LMLN: variants seen among roughly 807,000 people sequenced by gnomAD.
The protein encoded by LMLN is leishmanolysin like peptidase.
Under a neutral mutation model 92.3 loss-of-function variants are expected in LMLN, and 70 were observed. The observed-to-expected ratio is 0.76, with a 90% CI of 0.63 to 0.92. LMLN has a LOEUF of 0.92. Among genes scored for constraint, LMLN ranks in the 40% least tolerant of loss-of-function variants. LMLN has a pLI of 0.00. For synonymous variants in LMLN, 308 were observed against 296.2 expected, an observed-to-expected ratio of 1.04 and a Z score of -0.41; for missense variants, 691 against 814.6, an observed-to-expected ratio of 0.85 and a Z score of 1.85.
At chr3:197,974,520 T>C in intron 2 of LMLN, 46 bp downstream of exon 2, 1 of 1,027,358 alleles carries the variant, frequency 9.7e-7, no homozygotes. Flanking sequence ...TTAATCTAAA[T>C]GTTAAAGATA....
intron 11 of LMLN, among the ~76,000 whole-genome samples, chr3:198,015,584 C>T (rs1345437598): frequency 1.7e-5 from 2 of 118,018 alleles, no homozygotes; most frequent in South Asian, 3.3e-4. Context: ...CCCTTCAGAG[C>T]CCCCTAACTA....
intron 1 of LMLN, among the ~76,000 whole-genome samples, chr3:197,968,068 A>G (rs918241822): frequency 2.6e-5 from 4 of 152,198 alleles, no homozygotes; most frequent in African/African-American, 7.2e-5. Flanking sequence ...TTTACAATCA[A>G]TTTATACAGT....
chr3:197,963,612 A>G (rs930842650), intron 1 of LMLN, among the ~76,000 whole-genome samples: 6 of 152,226 alleles, frequency 3.9e-5, no homozygotes, highest in Non-Finnish European at 7.3e-5. Context: ...ATACACTGCT[A>G]GTAGGTAGAA....
At chr3:197,973,494 G>A (rs756591694) in intron 1 of LMLN, among the ~76,000 whole-genome samples, 3 of 152,064 alleles carry the variant, frequency 2.0e-5, no homozygotes, top group African/African-American at 4.8e-5. Context: ...TGCCTGCCTC[G>A]GCCTCCCAAA....
Position 197,984,685 on chromosome 3 carries a change from G to A in LMLN, c.834+637G>A, listed in dbSNP as rs549199773. ...GCTGGTCTCAAACTCCTAGGCTCAA[G>A]TGATCCTCCTGTCTCAGACTCCTAA... On this transcript the variant is annotated intron_variant, in intron 7 of 15. Transcript: ENST00000330198. 3.3e-5 allele frequency among the ~76,000 whole-genome samples: 5 copies of A among 151,974 alleles called. No individual in the cohort carries two copies. The South Asian group carries it at 1.0e-3, about 32-fold the overall frequency.
intron 8 of LMLN, among the ~76,000 whole-genome samples, chr3:197,988,437 G>A (rs1186073770): frequency 6.8e-6 from 1 of 147,394 alleles, no homozygotes; most frequent in Non-Finnish European, 1.5e-5. Context: ...TTTGTAAGGT[G>A]CATATATGTT....
intron 7 of LMLN, 138 bp downstream of exon 7, chr3:197,984,186 A>G: frequency 2.0e-6 from 1 of 491,780 alleles, no homozygotes; most frequent in Non-Finnish European, 3.6e-6. Flanking sequence ...CTAAAACTTA[A>G]AGTATAATAA....
At position 197,999,195 on chromosome 3, in the gene LMLN, C is replaced by G; in HGVS notation, c.1156-71C>G. On this transcript the variant is annotated intron_variant, in intron 10 of 15. Coordinates refer to ENST00000330198, the Ensembl canonical transcript of LMLN. ...GTTGAAACATTTTAAATATGTATATCAGAGGAATTGCAGAAAATATTAGGA... is the reference window on the plus strand; with the variant it reads ...GTTGAAACATTTTAAATATGTATATGAGAGGAATTGCAGAAAATATTAGGA... 3 of 1,049,684 alleles carry G rather than the reference C, an allele frequency of 2.9e-6. No homozygotes were observed. In the South Asian group the frequency reaches 3.8e-5, roughly 13 times the overall value. 65.0% of individuals were successfully genotyped at this position (1,049,684 alleles called of 1,614,324 possible). A position where few individuals can be genotyped will look rare whatever the true frequency, so the allele number is the denominator to read the frequency against.
At chr3:198,012,423 G>C (rs1231821701) in intron 11 of LMLN, among the ~76,000 whole-genome samples, 2 of 152,130 alleles carry the variant, frequency 1.3e-5, no homozygotes, top group African/African-American at 4.8e-5. Context: ...GATGATGTTG[G>C]GTTCTTCTAT....
intron 1 of LMLN, among the ~76,000 whole-genome samples, chr3:197,965,693 C>T (rs777277573): frequency 7.2e-5 from 11 of 152,260 alleles, no homozygotes; most frequent in South Asian, 4.2e-4. Flanking sequence ...GATGGCAAAT[C>T]GCTTGAGCTC....
chr3:198,010,361 C>T (rs1722399809), intron 11 of LMLN, among the ~76,000 whole-genome samples: 1 of 152,024 alleles, frequency 6.6e-6, no homozygotes, highest in African/African-American at 2.4e-5. Flanking sequence ...GTTGGCCAGG[C>T]TGGTCTTGAA....
intron 1 of LMLN, among the ~76,000 whole-genome samples, chr3:197,968,006 A>G (rs565389064): frequency 4.3e-4 from 65 of 152,274 alleles, no homozygotes; most frequent in African/African-American, 1.5e-3. Context: ...AATTGCTGTT[A>G]TTCTGTTCTT....
exon 16 of LMLN, chr3:198,039,447 A>C (rs1723337423): frequency 6.6e-6 from 1 of 152,220 alleles, no homozygotes; most frequent in South Asian, 2.1e-4. Flanking sequence ...TCATTATTAT[A>C]CCTATTTTAA....
chr3:198,018,516 G>C (rs1722701526), intron 11 of LMLN, among the ~76,000 whole-genome samples: 1 of 152,194 alleles, frequency 6.6e-6, no homozygotes, highest in African/African-American at 2.4e-5. Context: ...CCCATTTGCT[G>C]AAGACTGTGG....
intron 13 of LMLN, among the ~76,000 whole-genome samples, chr3:198,024,287 C>T (rs183834965): frequency 9.7e-4 from 146 of 150,058 alleles, no homozygotes; most frequent in Non-Finnish European, 9.0e-4. Context: ...ACAATCTCGG[C>T]TCACTGCAAG....
At chr3:197,969,752 A>G (rs893688219) in intron 1 of LMLN, among the ~76,000 whole-genome samples, 35 of 152,330 alleles carry the variant, frequency 2.3e-4, no homozygotes, top group African/African-American at 8.4e-4. Context: ...AGTCATGTTA[A>G]ATATGGGACA....
At chr3:197,961,260 T>A (rs1581121226) in intron 1 of LMLN, among the ~76,000 whole-genome samples, 1 of 152,300 alleles carries the variant, frequency 6.6e-6, no homozygotes, top group African/African-American at 2.4e-5. Flanking sequence ...TTTCATACTT[T>A]GATTCCTTCA....
At position 198,019,438 on chromosome 3, in the gene LMLN, C is replaced by T; in HGVS notation, c.1365+53C>T. On this transcript the variant is annotated intron_variant, in intron 12 of 15. Coordinates refer to ENST00000330198, the Ensembl canonical transcript of LMLN. The surrounding 1 kb of genome is among the most constrained non-coding windows in gnomAD (Gnocchi z 5.5). ...GGAATCAGCTTTTCAAAAGTAGTCTCCATTTTAACTAAAAGAGTAAATTCT... is the reference window on the plus strand; with the variant it reads ...GGAATCAGCTTTTCAAAAGTAGTCTTCATTTTAACTAAAAGAGTAAATTCT... 4 of 1,514,404 alleles carry T rather than the reference C, an allele frequency of 2.6e-6. No homozygotes were observed. The highest frequency in any genetic ancestry group is 3.6e-6 in the Non-Finnish European group (4 of 1,122,420). The allele number at this position is 1,514,404 out of a possible 1,614,324, so 93.8% of individuals were successfully genotyped here. A position where few individuals can be genotyped will look rare whatever the true frequency, so the allele number is the denominator to read the frequency against.
rs554642124 is a variant in LMLN, at chr3:197,981,235, G to C, written c.728+731G>C. On this transcript the variant is annotated intron_variant, in intron 6 of 15. Coordinates refer to ENST00000330198, the Ensembl canonical transcript of LMLN. ...AAAAATGCAAAAATTAGCCAGGAGT[G>C]GTGGTGTGTGCCGGTAGTCCCAGCT... Among the ~76,000 whole-genome samples, 18 of 152,092 alleles carry C rather than the reference G, an allele frequency of 1.2e-4. No individual in the cohort carries two copies. In the South Asian group the frequency reaches 2.9e-3, roughly 25 times the overall value.
Sources: gnomAD v4.1 joint callset for allele counts (sites outside exome capture counted in the v4.1 genomes callset) on GRCh38, gnomAD v4.1.1 for gene constraint, Gnocchi (gnomAD v3.1) non-coding constraint, MANE v1.5 for transcripts, NCBI Gene and HGNC (gene_info 2026-07-23, HGNC 2026-07-21) for gene names.